Variants in POLQ observed in about 807,000 individuals in gnomAD.
POLQ encodes DNA polymerase theta.
In POLQ, 233 loss-of-function variants were observed where a neutral mutation model predicts 259.2. The observed-to-expected ratio is 0.90, with a 90% CI of 0.81 to 1.00. The LOEUF (loss-of-function observed/expected upper bound fraction) is 1.00. POLQ is among the 50% of genes least tolerant of loss of function. The probability of loss-of-function intolerance (pLI) is 0.00; values close to 1 mark genes in which losing one functional copy is unlikely to be tolerated. For synonymous variants in POLQ, 1,025 were observed against 1,048.8 expected, an observed-to-expected ratio of 0.98 and a Z score of 0.44; for missense variants, 2,871 against 3,051.6, an observed-to-expected ratio of 0.94 and a Z score of 1.39.
In POLQ at chr3:121,545,957, C is replaced by A. The variant is rs1033522789; in HGVS notation, c.-80G>T. 6.7e-7 allele frequency: 1 copy of A among 1,486,302 alleles called. No individual in the cohort carries two copies. The highest frequency in any genetic ancestry group is 1.4e-5 in the African/African-American group (1 of 71,954). 92.1% of individuals were successfully genotyped at this position (1,486,302 alleles called of 1,614,324 possible). A position where few individuals can be genotyped will look rare whatever the true frequency, so the allele number is the denominator to read the frequency against. On this transcript the variant is annotated 5_prime_UTR_variant, in exon 1 of 30. Coordinates refer to ENST00000264233, the MANE Select transcript of POLQ (RefSeq NM_199420.4). ...CGGGAGAACCCTGGCCTGGCAACAG[C>A]TGCGGACATCTTCCCGCCAGTCTTC...
chr3:121,496,700 G>T, intron 14 of POLQ, 108 bp downstream of exon 14: 1 of 1,134,724 alleles, frequency 8.8e-7, no homozygotes, highest in Non-Finnish European at 1.3e-6. Context: ...CAAAGTTTTA[G>T]CACTTTTAAA....
At chr3:121,467,785 A>G in intron 23 of POLQ, 145 bp from the exon 24 acceptor site, 1 of 779,828 alleles carries the variant, frequency 1.3e-6, no homozygotes, top group Non-Finnish European at 2.0e-6. Context: ...TCACACCTGT[A>G]ATACCAGCAC....
intron 20 of POLQ, among the ~76,000 whole-genome samples, chr3:121,475,804 T>A (rs1307196121): frequency 1.3e-5 from 2 of 152,178 alleles, no homozygotes; most frequent in African/African-American, 4.8e-5. Context: ...CCCATCTGAA[T>A]CACAAGGGCA....
chr3:121,455,319 A>G (rs1192185227), intron 25 of POLQ, among the ~76,000 whole-genome samples: 1 of 143,824 alleles, frequency 7.0e-6, no homozygotes, highest in East Asian at 2.0e-4. Flanking sequence ...CACAATTAAA[A>G]GAACTAGAAA....
Position 121,517,764 on chromosome 3 carries a change from T to C in POLQ, c.1468+2107A>G, listed in dbSNP as rs910257842. The stretch of plus-strand genomic sequence containing the variant: ...ATACCGAGGATAGAAACTACATTGC[T>C]GAAAATGTTAAAACAAAATAGAAGA... On this transcript the variant is annotated intron_variant, in intron 9 of 29. Coordinates refer to ENST00000264233, the MANE Select transcript of POLQ (RefSeq NM_199420.4). 2.6e-5 allele frequency among the ~76,000 whole-genome samples: 4 copies of C among 152,300 alleles called. 1 individual carries two copies. Among genetic ancestry groups the C allele is most frequent in the East Asian group, 3.9e-4 (2 of 5,186 alleles).
intron 9 of POLQ, among the ~76,000 whole-genome samples, chr3:121,519,426 A>G (rs1359672112): frequency 6.7e-6 from 1 of 148,180 alleles, no homozygotes; most frequent in Non-Finnish European, 1.5e-5. Context: ...CTGTAATCCC[A>G]GCACTTTGGG....
At chr3:121,528,990 T>G (rs1023924102) in intron 7 of POLQ, among the ~76,000 whole-genome samples, 33 of 152,162 alleles carry the variant, frequency 2.2e-4, no homozygotes, top group Non-Finnish European at 4.0e-4. Context: ...TTGTGTATAT[T>G]TTAAGGTAGT....
In POLQ at chr3:121,487,767, G is replaced by A. The variant is rs765844306; in HGVS notation, c.5164C>T (p.Pro1722Ser). 20 of 1,612,036 alleles carry A rather than the reference G, an allele frequency of 1.2e-5. No individual in the cohort carries two copies. The highest frequency in any genetic ancestry group is 1.6e-5 in the Non-Finnish European group (19 of 1,178,832). The change falls in exon 16 of 30, where the codon CCT (proline) becomes TCT (serine). Residue 1722 changes from proline to serine, a missense_variant. This residue lies in a region of POLQ where 2,080 missense variants were observed against 2,126.0 expected (regional missense o/e 0.98). Transcript: ENST00000264233. Reference protein sequence around the residue: ...ANHDETSSLLPRKESNIVDDN... With the variant: ...ANHDETSSLLSRKESNIVDDN... ...TCAACTATATTACTTTCTTTACGAG[G>A]TAAGAGGGATGAGGTTTCATCATGA...
intron 27 of POLQ, among the ~76,000 whole-genome samples, chr3:121,439,656 T>C (rs936893516): frequency 1.3e-5 from 2 of 152,238 alleles, no homozygotes; most frequent in East Asian, 3.8e-4. Flanking sequence ...GTATATGGTA[T>C]AGGAAACAAA....
chr3:121,511,598 T>C (rs983066797), intron 10 of POLQ, among the ~76,000 whole-genome samples: 3 of 151,848 alleles, frequency 2.0e-5, no homozygotes, highest in Non-Finnish European at 2.9e-5. Flanking sequence ...GCCAAAATGG[T>C]GAAATCCCAT....
intron 26 of POLQ, among the ~76,000 whole-genome samples, chr3:121,443,408 T>C (rs907993274): frequency 1.3e-5 from 2 of 152,270 alleles, no homozygotes; most frequent in Admixed American, 1.3e-4. Flanking sequence ...TGTCTTTATT[T>C]GAGAAATGTC....
intron 4 of POLQ, among the ~76,000 whole-genome samples, chr3:121,538,427 A>T (rs1274541878): frequency 6.6e-6 from 1 of 152,010 alleles, no homozygotes; most frequent in Non-Finnish European, 1.5e-5. Flanking sequence ...TCCCCACCCC[A>T]AATTCTCCCC....
intron 22 of POLQ, 117 bp from the exon 23 acceptor site, chr3:121,468,548 TAC>T (rs1366921614): frequency 3.2e-6 from 2 of 626,964 alleles, no homozygotes; most frequent in African/African-American, 3.7e-5. Flanking sequence ...TGAACTGAAA[TAC>T]ATTTATATTT....
chr3:121,518,626 T>C (rs1198410727), intron 9 of POLQ, among the ~76,000 whole-genome samples: 1 of 152,214 alleles, frequency 6.6e-6, no homozygotes, highest in Non-Finnish European at 1.5e-5. Flanking sequence ...ACAAGTCAGT[T>C]TATTCTAAAA....
At chr3:121,438,269 G>C (rs1283300634) in intron 27 of POLQ, among the ~76,000 whole-genome samples, 3 of 152,176 alleles carry the variant, frequency 2.0e-5, no homozygotes, top group Non-Finnish European at 4.4e-5. Context: ...CTTTAACACT[G>C]AAGTATTTGG....
chr3:121,544,997 T>G (rs2048520515), intron 1 of POLQ, 91 bp from the exon 2 acceptor site: 2 of 752,660 alleles, frequency 2.7e-6, no homozygotes, highest in Non-Finnish European at 4.3e-6. Flanking sequence ...AATTCCTATG[T>G]GTTGAAATGA....
chr3:121,495,627 G>A (rs1396127446), intron 14 of POLQ, among the ~76,000 whole-genome samples: 2 of 151,758 alleles, frequency 1.3e-5, no homozygotes, highest in East Asian at 1.9e-4. Flanking sequence ...GGTGGTCCAC[G>A]AGGTCAGGAG....
intron 9 of POLQ, among the ~76,000 whole-genome samples, chr3:121,513,205 C>T (rs1299420158): frequency 6.6e-6 from 1 of 151,830 alleles, no homozygotes; most frequent in Non-Finnish European, 1.5e-5. Flanking sequence ...ATTATCCTTC[C>T]CAATTGCCAA....
At chr3:121,482,539 C>T (rs931022780) in intron 18 of POLQ, among the ~76,000 whole-genome samples, 14 of 149,290 alleles carry the variant, frequency 9.4e-5, no homozygotes, top group East Asian at 4.0e-4. Context: ...AAAAAAGTGA[C>T]GCATAAATGT....
Sources: allele counts gnomAD v4.1 joint callset (sites outside exome capture counted in the v4.1 genomes callset), GRCh38; gene constraint gnomAD v4.1.1; regional missense constraint gnomAD v4.1.1; transcripts MANE v1.5; gene names NCBI Gene and HGNC (gene_info 2026-07-23, HGNC 2026-07-21).